The following NRXN1 variants were observed in gnomAD, a reference collection of about 807,000 sequenced individuals.
NRXN1 encodes the protein neurexin 1, also known as neurexin-1.
A neutral mutation model predicts 150.9 loss-of-function variants in NRXN1; 39 were observed. That is an observed-to-expected ratio of 0.26 (90% confidence interval 0.20 to 0.34). The LOEUF is 0.34. NRXN1 is among the 10% of genes least tolerant of loss of function. NRXN1 has a pLI of 1.00. For missense variants in NRXN1, 1,815 were observed against 1,949.9 expected, an observed-to-expected ratio of 0.93 and a Z score of 1.30; for synonymous variants, 924 against 757.0, an observed-to-expected ratio of 1.22 and a Z score of -3.62.
chr2:50,333,860 C>G (rs544780419), intron 17 of NRXN1, among the ~76,000 whole-genome samples: 84 of 152,050 alleles, frequency 5.5e-4, no homozygotes, highest in Non-Finnish European at 9.7e-4. Flanking sequence ...TTGGTAATAA[C>G]CTAAATATCT....
At chr2:50,707,206 C>T (rs1694558929) in intron 5 of NRXN1, among the ~76,000 whole-genome samples, 1 of 152,034 alleles carries the variant, frequency 6.6e-6, no homozygotes, top group African/African-American at 2.4e-5. Context: ...TAAGCTGTTC[C>T]ACAGTGGAAT....
In NRXN1 at chr2:50,332,392, T is replaced by C. The variant is rs940575454; in HGVS notation, c.3365-95422A>G. 3.9e-5 allele frequency among the ~76,000 whole-genome samples: 6 copies of C among 152,086 alleles called. No homozygotes were observed. The East Asian group carries it at 1.2e-3, about 29-fold the overall frequency. ...CCTCAGGAAATTTAATCCAGGAAAATTAGAGCTCTGTTTTGAAAGCAGAGG... is the reference window on the plus strand; with the variant it reads ...CCTCAGGAAATTTAATCCAGGAAAACTAGAGCTCTGTTTTGAAAGCAGAGG... On this transcript the variant is annotated intron_variant, in intron 17 of 22. Transcript: ENST00000401669.
At chr2:50,220,247 C>A (rs1415569031) in intron 18 of NRXN1, among the ~76,000 whole-genome samples, 16 of 151,196 alleles carry the variant, frequency 1.1e-4, no homozygotes, top group Admixed American at 1.0e-3. Flanking sequence ...GAAATTAATT[C>A]TGGTTGTGCA....
chr2:50,158,209 C>T (rs1486111893), intron 18 of NRXN1, among the ~76,000 whole-genome samples: 1 of 151,444 alleles, frequency 6.6e-6, no homozygotes, highest in African/African-American at 2.4e-5. Context: ...ATAGAATCCA[C>T]ATCATTGATA....
intron 19 of NRXN1, 74 bp from the exon 20 acceptor site, chr2:50,055,118 T>A: frequency 2.0e-6 from 2 of 989,714 alleles, no homozygotes; most frequent in Admixed American, 6.4e-5. Context: ...ACTTAAAGAT[T>A]GAGCTATACA....
At chr2:50,901,741 T>C (rs984041736) in intron 5 of NRXN1, among the ~76,000 whole-genome samples, 2 of 152,130 alleles carry the variant, frequency 1.3e-5, no homozygotes, top group African/African-American at 4.8e-5. Flanking sequence ...CAGTAGGTAA[T>C]CAAAAACAGA....
At chr2:49,952,777 T>G (rs1573016850) in intron 21 of NRXN1, among the ~76,000 whole-genome samples, 1 of 152,264 alleles carries the variant, frequency 6.6e-6, no homozygotes, top group South Asian at 2.1e-4. Context: ...AAGGTCTCTC[T>G]CTTACTAACT....
intron 5 of NRXN1, among the ~76,000 whole-genome samples, chr2:50,905,118 G>A (rs1365622375): frequency 6.6e-6 from 1 of 151,976 alleles, no homozygotes; most frequent in Non-Finnish European, 1.5e-5. Flanking sequence ...TATCATCACA[G>A]TTCAGCCCAC....
At chr2:50,735,666 C>T (rs1698647205) in intron 5 of NRXN1, among the ~76,000 whole-genome samples, 1 of 152,146 alleles carries the variant, frequency 6.6e-6, no homozygotes, top group Admixed American at 6.6e-5. Flanking sequence ...CTCTTTATCT[C>T]AGCTATGCTA....
chr2:50,863,948 G>A (rs527300413), intron 5 of NRXN1, among the ~76,000 whole-genome samples: 1 of 151,974 alleles, frequency 6.6e-6, no homozygotes, highest in Non-Finnish European at 1.5e-5. Flanking sequence ...CACCTCCTCA[G>A]GTTGAAATGC....
At chr2:50,776,241 T>C (rs777881581) in intron 5 of NRXN1, among the ~76,000 whole-genome samples, 6 of 152,138 alleles carry the variant, frequency 3.9e-5, no homozygotes, top group Non-Finnish European at 8.8e-5. Flanking sequence ...TTTTACAGAA[T>C]GATTTACTTC....
chr2:50,872,952 G>A (rs1352347317), intron 5 of NRXN1, among the ~76,000 whole-genome samples: 2 of 151,840 alleles, frequency 1.3e-5, no homozygotes, highest in African/African-American at 4.8e-5. Flanking sequence ...AGTGAGCTAT[G>A]ATTGTACCAC....
At chr2:50,800,122 CT>C (rs1707383147) in intron 5 of NRXN1, among the ~76,000 whole-genome samples, 2 of 152,280 alleles carry the variant, frequency 1.3e-5, no homozygotes, top group East Asian at 1.9e-4. Context: ...GAATAACGCA[CT>C]GTTTTAATCT....
chr2:50,055,587 C>T (rs1324955735), intron 19 of NRXN1, among the ~76,000 whole-genome samples: 1 of 152,110 alleles, frequency 6.6e-6, no homozygotes, highest in Non-Finnish European at 1.5e-5. Flanking sequence ...AAGAAAACAA[C>T]AAAGTCCAAA....
At chr2:50,829,402 A>G in intron 5 of NRXN1, 1 of 1,299,184 alleles carries the variant, frequency 7.7e-7, no homozygotes, top group South Asian at 1.3e-5. Context: ...TGCGGGGATT[A>G]CAGGCATGAG....
Position 50,429,244 on chromosome 2 carries a change from G to GA in NRXN1, c.3364+36197dup, listed in dbSNP as rs920219236. Among the ~76,000 whole-genome samples, 144 of 149,116 alleles carry GA rather than the reference G, an allele frequency of 9.7e-4. 1 individual carries two copies. The highest frequency in any genetic ancestry group is 3.0e-3 in the African/African-American group (122 of 40,758). ...ATATGGAAATCATCTCTTTTTTTAG[G>GA]AAAAAAAAATACTTTTTTTTCTTTT... On this transcript the variant is annotated intron_variant, in intron 17 of 22. Coordinates refer to ENST00000401669, the MANE Select transcript of NRXN1 (RefSeq NM_001330078.2).
chr2:50,276,292 T>C (rs553381227), intron 17 of NRXN1, among the ~76,000 whole-genome samples: 22 of 152,280 alleles, frequency 1.4e-4, no homozygotes, highest in African/African-American at 3.8e-4. Flanking sequence ...CTAACACTCA[T>C]TGTGCTTGCT....
At chr2:50,050,608 A>G (rs1399210864) in intron 21 of NRXN1, among the ~76,000 whole-genome samples, 1 of 152,048 alleles carries the variant, frequency 6.6e-6, no homozygotes, top group African/African-American at 2.4e-5. Context: ...CCAACCTGTA[A>G]AAATAGGTCA....
chr2:50,430,022 C>T (rs995934308), intron 17 of NRXN1, among the ~76,000 whole-genome samples: 2 of 152,146 alleles, frequency 1.3e-5, no homozygotes, highest in East Asian at 1.9e-4. Context: ...CTGTCACACA[C>T]ATTTAACCTA....
Sources: gnomAD v4.1 joint callset for allele counts (sites outside exome capture counted in the v4.1 genomes callset) on GRCh38, gnomAD v4.1.1 for gene constraint, MANE v1.5 for transcripts, NCBI Gene and HGNC (gene_info 2026-07-23, HGNC 2026-07-21) for gene names.